Variants in PRKG1 observed in about 807,000 individuals in gnomAD.
The protein encoded by PRKG1 is cGMP-dependent protein kinase 1.
In PRKG1, 35 loss-of-function variants were observed where a neutral mutation model predicts 88.1. That is an observed-to-expected ratio of 0.40 (90% CI 0.30 to 0.53). PRKG1 has a LOEUF of 0.53. PRKG1 is among the 20% of genes least tolerant of loss of function. The probability of loss-of-function intolerance (pLI) is 0.59; values close to 1 mark genes in which losing one functional copy is unlikely to be tolerated. For synonymous variants in PRKG1, 303 were observed against 292.5 expected, an observed-to-expected ratio of 1.04 and a Z score of -0.37; for missense variants, 540 against 839.8, an observed-to-expected ratio of 0.64 and a Z score of 4.41.
intron 3 of PRKG1, among the ~76,000 whole-genome samples, chr10:51,789,810 C>T (rs1049528018): frequency 3.3e-5 from 5 of 151,992 alleles, no homozygotes; most frequent in African/African-American, 1.2e-4. Flanking sequence ...ACCTTATTAA[C>T]ACAATATCAG....
chr10:51,351,573 C>T (rs1057477984), intron 2 of PRKG1, among the ~76,000 whole-genome samples: 10 of 152,000 alleles, frequency 6.6e-5, no homozygotes, highest in Non-Finnish European at 1.3e-4. Flanking sequence ...AGTGTCTCTT[C>T]ATATCCTTTG....
intron 5 of PRKG1, among the ~76,000 whole-genome samples, chr10:52,020,859 G>A (rs1393015234): frequency 6.6e-6 from 1 of 152,066 alleles, no homozygotes; most frequent in Non-Finnish European, 1.5e-5. Flanking sequence ...TTTATTGGAA[G>A]TTCCTTTTTG....
intron 1 of PRKG1, among the ~76,000 whole-genome samples, chr10:51,122,914 C>G (rs1294500336): frequency 6.6e-6 from 1 of 152,172 alleles, no homozygotes; most frequent in African/African-American, 2.4e-5. Context: ...CTTCCTATAG[C>G]CTGCCCTATC....
chr10:51,801,602 A>T (rs891539854), intron 3 of PRKG1, among the ~76,000 whole-genome samples: 4 of 152,166 alleles, frequency 2.6e-5, no homozygotes, highest in Admixed American at 2.6e-4. Flanking sequence ...TTATACTTAC[A>T]TATGCTTCCC....
At chr10:51,291,014 G>T (rs953422563) in intron 2 of PRKG1, among the ~76,000 whole-genome samples, 4 of 152,088 alleles carry the variant, frequency 2.6e-5, no homozygotes, top group African/African-American at 9.7e-5. Context: ...AATAGTCTTT[G>T]TATACGTAAT....
At chr10:51,591,722 A>G (rs1838317790) in intron 3 of PRKG1, among the ~76,000 whole-genome samples, 1 of 152,224 alleles carries the variant, frequency 6.6e-6, no homozygotes, top group East Asian at 1.9e-4. Context: ...GAATATTTAC[A>G]TAGATGCACA....
chr10:51,344,478 T>G (rs1842070432), intron 2 of PRKG1, among the ~76,000 whole-genome samples: 1 of 152,180 alleles, frequency 6.6e-6, no homozygotes, highest in Non-Finnish European at 1.5e-5. Flanking sequence ...CACTCAGGGC[T>G]TAAACGTTAG....
chr10:52,187,236 A>AGGCAAAAATAAGT (rs1839223428), intron 9 of PRKG1, among the ~76,000 whole-genome samples: 2 of 152,090 alleles, frequency 1.3e-5, no homozygotes, highest in African/African-American at 4.8e-5. Context: ...ACTTCATCTC[A>AGGCAAAAATAAGT]GTTTGCTTCT....
intron 3 of PRKG1, among the ~76,000 whole-genome samples, chr10:51,615,993 A>C (rs1268540495): frequency 6.6e-6 from 1 of 152,072 alleles, no homozygotes; most frequent in Non-Finnish European, 1.5e-5. Flanking sequence ...TTTTCCTGAA[A>C]GTTTTGTTTG....
intron 2 of PRKG1, among the ~76,000 whole-genome samples, chr10:51,433,669 G>A (rs970830151): frequency 2.4e-4 from 37 of 152,242 alleles, no homozygotes; most frequent in Non-Finnish European, 5.1e-4. Context: ...TGTGGGTGGT[G>A]AGCATATTAT....
chr10:51,709,154 C>T (rs1841681151), intron 3 of PRKG1, among the ~76,000 whole-genome samples: 1 of 152,130 alleles, frequency 6.6e-6, no homozygotes, highest in South Asian at 2.1e-4. Context: ...TAAATGTGGA[C>T]TTCCAGTTAG....
At chr10:52,051,294 T>C (rs1845982679) in intron 5 of PRKG1, among the ~76,000 whole-genome samples, 1 of 152,220 alleles carries the variant, frequency 6.6e-6, no homozygotes, top group African/African-American at 2.4e-5. Flanking sequence ...AAAATAATTG[T>C]ATATTCACTA....
At chr10:52,144,400 G>C (rs1277071896) in intron 8 of PRKG1, among the ~76,000 whole-genome samples, 1 of 152,186 alleles carries the variant, frequency 6.6e-6, no homozygotes, top group Non-Finnish European at 1.5e-5. Context: ...TTTTGTATCT[G>C]TTTTCGAAGG....
intron 5 of PRKG1, among the ~76,000 whole-genome samples, chr10:51,939,592 AT>A (rs11301177): frequency 0.31 from 46,305 of 147,864 alleles, 7,773 homozygotes; most frequent in Non-Finnish European, 0.39. Context: ...TATAAACTTA[AT>A]TTTTTTTTTT....
At chr10:51,284,220 C>A (rs1840374892) in intron 2 of PRKG1, among the ~76,000 whole-genome samples, 1 of 151,968 alleles carries the variant, frequency 6.6e-6, no homozygotes, top group East Asian at 1.9e-4. Context: ...TTTTGTAAAG[C>A]AAGAAAAGCC....
At chr10:51,016,914 C>G (rs903973440) in intron 1 of PRKG1, among the ~76,000 whole-genome samples, 2 of 151,170 alleles carry the variant, frequency 1.3e-5, no homozygotes, top group East Asian at 1.9e-4. Flanking sequence ...TGATCTGCCC[C>G]CTTTGGGCTC....
rs1200316305 is a variant in PRKG1, at chr10:52,251,614, A to C, written c.1121A>C (p.Asp374Ala). The C allele has an allele frequency of 3.7e-6, 6 of 1,613,630 alleles. No individual in the cohort carries two copies. The highest frequency in any genetic ancestry group is 5.1e-6 in the Non-Finnish European group (6 of 1,179,682). ...AAFFANLKLSDFNIIDTLGVG... is the reference protein window; with the variant it reads ...AAFFANLKLSAFNIIDTLGVG... ...TTCTTCGCCAACCTGAAGCTGTCTG[A>C]TTTCAACATCATTGATACCCTTGGA... Residue 374 changes from aspartate to alanine, a missense_variant, in exon 10 of 18, where the codon GAT (aspartate) becomes GCT (alanine). By Grantham distance (126) the Asp-to-Ala change is moderately radical. This residue lies in a region of PRKG1 where 400 missense variants were observed against 562.7 expected (regional missense o/e 0.71). Transcript: ENST00000373980.
intron 3 of PRKG1, chr10:51,697,677 G>A: frequency 6.2e-7 from 1 of 1,610,984 alleles, no homozygotes. Flanking sequence ...TGAGACTACA[G>A]CCAAATATTT....
intron 6 of PRKG1, among the ~76,000 whole-genome samples, chr10:52,056,551 C>T (rs192178035): frequency 2.0e-5 from 3 of 152,172 alleles, no homozygotes; most frequent in East Asian, 1.9e-4. Context: ...GTGGAAATTA[C>T]ACCACAGGAA....
Sources: gnomAD v4.1 joint callset for allele counts (sites outside exome capture counted in the v4.1 genomes callset) on GRCh38, gnomAD v4.1.1 for gene constraint, gnomAD v4.1.1 regional missense constraint, MANE v1.5 for transcripts, NCBI Gene and HGNC (gene_info 2026-07-23, HGNC 2026-07-21) for gene names.